Variants in PIEZO2 observed in about 807,000 individuals in gnomAD.
The protein encoded by PIEZO2 is piezo type mechanosensitive ion channel component 2, also known as piezo-type mechanosensitive ion channel component 2.
In PIEZO2, 172 loss-of-function variants were observed where a neutral mutation model predicts 337.3. The ratio of observed to expected loss-of-function variants is 0.51; its 90% CI spans 0.45 to 0.58. The LOEUF (loss-of-function observed/expected upper bound fraction) is 0.58, where lower values mean the gene tolerates loss of function less well. Among genes scored for constraint, PIEZO2 ranks in the 20% least tolerant of loss-of-function variants. PIEZO2 has a pLI of 0.00. For synonymous variants in PIEZO2, 1,251 were observed against 1,228.5 expected, an observed-to-expected ratio of 1.02 and a Z score of -0.38; for missense variants, 3,028 against 3,391.3, an observed-to-expected ratio of 0.89 and a Z score of 2.66.
chr18:10,838,698 G>T (rs920417888), intron 7 of PIEZO2, among the ~76,000 whole-genome samples: 1 of 152,158 alleles, frequency 6.6e-6, no homozygotes, highest in Admixed American at 6.6e-5. Context: ...GTTCATAAGG[G>T]AATGTTTATA....
Position 11,066,123 on chromosome 18 carries a change from T to C in PIEZO2, c.160+4A>G, listed in dbSNP as rs577902940. 6 of 1,528,098 alleles carry C rather than the reference T, an allele frequency of 3.9e-6. No individual in the cohort carries two copies. In the East Asian group the frequency reaches 1.5e-4, roughly 37 times the overall value. The allele number at this position is 1,528,098 out of a possible 1,614,324, so 94.7% of individuals were successfully genotyped here. A position where few individuals can be genotyped will look rare whatever the true frequency, so the allele number is the denominator to read the frequency against. On this transcript the variant is annotated splice_donor_region_variant and intron_variant, in intron 2 of 55. Coordinates refer to ENST00000674853, the MANE Select transcript of PIEZO2 (RefSeq NM_001378183.1). ...TGTGGTATACGATAACAAAATTCTC[T>C]TACCTTGCATCGTCGTTTTTGTTGG... is the stretch of plus-strand genomic sequence containing the variant.
rs903940206 is a variant in PIEZO2, at chr18:10,797,415, T to C, written c.1486A>G (p.Ile496Val). The C allele has an allele frequency of 2.6e-6, 4 of 1,537,094 alleles. No homozygotes were observed. In the African/African-American group the frequency reaches 4.1e-5, roughly 16 times the overall value. Reference protein sequence around the residue: ...VHAMVSVFQFIMKQSYICALI... With the variant: ...VHAMVSVFQFVMKQSYICALI... ...GCACAGATGTAACTTTGTTTCATAA[T>C]AAATTGGAATACGGAGACCATGGCA... The change falls in exon 12 of 56, where the codon ATT (isoleucine) becomes GTT (valine). Residue 496 changes from isoleucine (I) to valine (V), a missense_variant. Transcript: ENST00000674853.
intron 3 of PIEZO2, among the ~76,000 whole-genome samples, chr18:10,955,836 C>T (rs1306088782): frequency 6.6e-6 from 1 of 152,152 alleles, no homozygotes; most frequent in African/African-American, 2.4e-5. Context: ...TTATAGAACA[C>T]TCCTTGAGAG....
At chr18:11,039,781 T>C (rs28627766) in intron 2 of PIEZO2, among the ~76,000 whole-genome samples, 1 of 143,518 alleles carries the variant, frequency 7.0e-6, no homozygotes, top group Non-Finnish European at 1.6e-5. Flanking sequence ...CACACAAAAT[T>C]TCTTCCCCTT....
At chr18:10,880,669 G>A (rs1307962707) in intron 4 of PIEZO2, among the ~76,000 whole-genome samples, 1 of 151,654 alleles carries the variant, frequency 6.6e-6, no homozygotes, top group East Asian at 1.9e-4. Context: ...TTCCCTAGTG[G>A]CTTCTGAAGT....
chr18:10,672,660 G>C lies in PIEZO2; in HGVS notation c.8345+30C>G. 6.3e-7 allele frequency: 1 copy of C among 1,597,584 alleles called. No homozygotes were observed. Among genetic ancestry groups the C allele is most frequent in the Non-Finnish European group, 8.5e-7 (1 of 1,174,392 alleles). On this transcript the variant is annotated intron_variant, in intron 55 of 55. Coordinates refer to ENST00000674853, the MANE Select transcript of PIEZO2 (RefSeq NM_001378183.1). This position sits in a 1 kb window ranked among gnomAD's most constrained non-coding sequence, Gnocchi z 4.7. ...TTACATGATACAGAAGTAGACTCTTGTAACTGTGAATTGTTCAATGAGTCC... is the reference window on the plus strand; with the variant it reads ...TTACATGATACAGAAGTAGACTCTTCTAACTGTGAATTGTTCAATGAGTCC...
At chr18:10,989,648 GA>G (rs1409148377) in intron 2 of PIEZO2, among the ~76,000 whole-genome samples, 1 of 152,120 alleles carries the variant, frequency 6.6e-6, no homozygotes, top group East Asian at 1.9e-4. Flanking sequence ...GTGTCAACAA[GA>G]GGAAGAAAGG....
chr18:11,056,826 CA>C (rs2037747795), intron 2 of PIEZO2, among the ~76,000 whole-genome samples: 1 of 152,172 alleles, frequency 6.6e-6, no homozygotes, highest in South Asian at 2.1e-4. Context: ...CTCCTACCCA[CA>C]AACCTAGGAT....
At chr18:10,919,965 C>T (rs1308521752) in intron 3 of PIEZO2, among the ~76,000 whole-genome samples, 3 of 152,066 alleles carry the variant, frequency 2.0e-5, no homozygotes. Context: ...AACTGAATTG[C>T]AAAACTCAAA....
intron 43 of PIEZO2, among the ~76,000 whole-genome samples, chr18:10,699,409 G>A (rs1354817141): frequency 6.6e-6 from 1 of 152,164 alleles, no homozygotes; most frequent in Non-Finnish European, 1.5e-5. Context: ...TCTCGTGGTA[G>A]TGAATAAGTC....
At chr18:11,141,731 G>C (rs1161875489) in intron 1 of PIEZO2, among the ~76,000 whole-genome samples, 1 of 152,178 alleles carries the variant, frequency 6.6e-6, no homozygotes, top group African/African-American at 2.4e-5. Flanking sequence ...GAGACAGGAT[G>C]CTTGGTGTTG....
chr18:10,785,435 C>T (rs139846414), intron 16 of PIEZO2, among the ~76,000 whole-genome samples: 8 of 152,358 alleles, frequency 5.3e-5, no homozygotes, highest in Admixed American at 2.0e-4. Flanking sequence ...GCGCAGGCTC[C>T]TCCTGTAAGA....
At chr18:10,786,951 T>C in intron 16 of PIEZO2, 85 bp downstream of exon 16, 1 of 1,283,062 alleles carries the variant, frequency 7.8e-7, no homozygotes, top group Non-Finnish European at 1.1e-6. Context: ...CATCATGCTT[T>C]ACTAAAATCT....
chr18:10,696,085 A>C lies in PIEZO2; in HGVS notation c.7179T>G (p.Gly2393=), dbSNP rs369017078. 60 of 1,613,530 alleles carry C rather than the reference A, an allele frequency of 3.7e-5. No individual in the cohort carries two copies. The South Asian group carries it at 6.1e-4, about 17-fold the overall frequency. Residue 2393 remains glycine, a synonymous_variant, in exon 47 of 56, where the codon GGT becomes GGG. Coordinates refer to ENST00000674853, the MANE Select transcript of PIEZO2 (RefSeq NM_001378183.1). ...IHFWMFFILP[G]VTERKFSQNL... ...TCTGAAGACCTTACCTCTCAGTCAC[A>C]CCAGGTAAGATGAAGAACATCCAGA...
intron 49 of PIEZO2, among the ~76,000 whole-genome samples, chr18:10,683,151 TG>T (rs920411346): frequency 4.6e-5 from 7 of 152,228 alleles, no homozygotes; most frequent in Admixed American, 2.0e-4. Flanking sequence ...CTCCCCGACT[TG>T]GCAATGTGAT....
At position 11,131,303 on chromosome 18, in the gene PIEZO2, AG is replaced by A. The variant is rs552442909; in HGVS notation, c.64+17221del. Among the ~76,000 whole-genome samples, 564 of 152,310 alleles carry A rather than the reference AG, an allele frequency of 3.7e-3. 2 individuals carry two copies. Among genetic ancestry groups the A allele is most frequent in the Non-Finnish European group, 6.4e-3 (438 of 68,040 alleles). On this transcript the variant is annotated intron_variant, in intron 1 of 55. Transcript: ENST00000674853. The surrounding 1 kb of genome is among the most constrained non-coding windows in gnomAD (Gnocchi z 5.3). ...CATGATCGGGCTCGAGCAGGTCCTG[AG>A]GGCACAAGTAAGTTACATGAGGAAG...
chr18:10,722,381 C>T (rs2036351609), intron 36 of PIEZO2, among the ~76,000 whole-genome samples: 1 of 151,906 alleles, frequency 6.6e-6, no homozygotes, highest in Non-Finnish European at 1.5e-5. Context: ...CAGGTGCGTG[C>T]CACCATGTCC....
intron 2 of PIEZO2, among the ~76,000 whole-genome samples, chr18:10,987,271 A>T (rs939755123): frequency 7.2e-5 from 11 of 152,166 alleles, no homozygotes; most frequent in Admixed American, 5.9e-4. Context: ...GAGGATAAGA[A>T]CATAGCTGGA....
chr18:10,725,433 T>C (rs1457715595), intron 36 of PIEZO2: 10 of 1,598,558 alleles, frequency 6.3e-6, no homozygotes, highest in Non-Finnish European at 8.6e-6. Flanking sequence ...CCAGTACTGG[T>C]TGGAGGGCAT....
Sources: allele counts gnomAD v4.1 joint callset (sites outside exome capture counted in the v4.1 genomes callset), GRCh38; gene constraint gnomAD v4.1.1; non-coding constraint Gnocchi (gnomAD v3.1); transcripts MANE v1.5; gene names NCBI Gene and HGNC (gene_info 2026-07-23, HGNC 2026-07-21).